Variants in MAGI2 observed in about 807,000 individuals in gnomAD.
MAGI2 encodes membrane-associated guanylate kinase, WW and PDZ domain-containing protein 2.
Under a neutral mutation model 133.3 loss-of-function variants are expected in MAGI2, and 35 were observed. The observed-to-expected ratio is 0.26, with a 90% CI of 0.20 to 0.35. MAGI2 has a LOEUF of 0.35. Ranked by LOEUF, MAGI2 falls within the 10% of genes least tolerant of loss-of-function variation. The pLI, the probability that MAGI2 is intolerant of heterozygous loss-of-function variation, is 1.00. For missense variants in MAGI2, 1,636 were observed against 1,863.4 expected (o/e 0.88, Z 2.25); for synonymous variants, 729 against 710.6 (o/e 1.03, Z -0.41).
chr7:78,694,465 A>G (rs146008382), intron 2 of MAGI2, among the ~76,000 whole-genome samples: 137 of 152,250 alleles, frequency 9.0e-4, no homozygotes, highest in African/African-American at 3.2e-3. Context: ...ACACAGTCTA[A>G]AACCATGCTC....
At chr7:79,053,446 A>C (rs1266266079) in intron 1 of MAGI2, among the ~76,000 whole-genome samples, 1 of 152,210 alleles carries the variant, frequency 6.6e-6, no homozygotes, top group African/African-American at 2.4e-5. Flanking sequence ...ATCTATGAAC[A>C]CTCTGATCTC....
chr7:78,205,878 C>G (rs999909192), intron 10 of MAGI2, among the ~76,000 whole-genome samples: 2 of 152,180 alleles, frequency 1.3e-5, no homozygotes, highest in African/African-American at 2.4e-5. Flanking sequence ...ATTTGCTATA[C>G]AGATCATTGC....
chr7:79,273,785 C>A (rs1164485986), intron 1 of MAGI2, among the ~76,000 whole-genome samples: 3 of 152,052 alleles, frequency 2.0e-5, no homozygotes, highest in Non-Finnish European at 4.4e-5. Flanking sequence ...CATGCCTTCA[C>A]TGTTCCCCTT....
At chr7:78,596,721 A>G (rs1404707169) in intron 3 of MAGI2, among the ~76,000 whole-genome samples, 1 of 152,214 alleles carries the variant, frequency 6.6e-6, no homozygotes, top group African/African-American at 2.4e-5. Context: ...CAGCCTAGTG[A>G]GAAAGAATAA....
intron 9 of MAGI2, among the ~76,000 whole-genome samples, chr7:78,324,141 T>TAC (rs1347905055): frequency 1.8e-4 from 23 of 130,128 alleles, no homozygotes; most frequent in African/African-American, 6.9e-4. Context: ...TACACTACAC[T>TAC]ACACTACACT....
intron 1 of MAGI2, among the ~76,000 whole-genome samples, chr7:79,016,018 T>TGG (rs1808694919): frequency 9.3e-6 from 1 of 107,452 alleles, no homozygotes. Context: ...GGGTGGGGGT[T>TGG]GAGCAGGCAA....
chr7:79,441,439 G>T (rs929194551), intron 1 of MAGI2, among the ~76,000 whole-genome samples: 9 of 152,144 alleles, frequency 5.9e-5, no homozygotes, highest in Non-Finnish European at 2.9e-5. Flanking sequence ...TTAAAAGGGA[G>T]ATTTGGGATA....
chr7:78,450,712 G>C (rs1418153360), intron 6 of MAGI2, among the ~76,000 whole-genome samples: 2 of 151,952 alleles, frequency 1.3e-5, no homozygotes, highest in Admixed American at 6.6e-5. Flanking sequence ...TACAGTCTCA[G>C]AATTGGAAGG....
chr7:78,689,273 C>T (rs947703016), intron 2 of MAGI2, among the ~76,000 whole-genome samples: 3 of 152,156 alleles, frequency 2.0e-5, no homozygotes, highest in African/African-American at 7.2e-5. Flanking sequence ...CACAGTACAA[C>T]ACCTAATAAT....
chr7:78,296,947 TGCTATAGCTC>T (rs1797311816), intron 9 of MAGI2, among the ~76,000 whole-genome samples: 1 of 152,060 alleles, frequency 6.6e-6, no homozygotes, highest in Admixed American at 6.5e-5. Context: ...AGAAGTCATG[TGCTATAGCTC>T]GCTATAGTTA....
At chr7:79,377,981 G>T (rs142707831) in intron 1 of MAGI2, among the ~76,000 whole-genome samples, 273 of 151,966 alleles carry the variant, frequency 1.8e-3, no homozygotes, top group African/African-American at 6.2e-3. Context: ...GCTGAACAGT[G>T]CGTGATTCAG....
intron 2 of MAGI2, among the ~76,000 whole-genome samples, chr7:78,710,204 A>T (rs1163466424): frequency 6.6e-6 from 1 of 151,470 alleles, no homozygotes; most frequent in South Asian, 2.1e-4. Flanking sequence ...ACATTCTACT[A>T]AACAGGAAGC....
At chr7:78,085,781 G>A (rs1227051014) in intron 20 of MAGI2, among the ~76,000 whole-genome samples, 1 of 151,838 alleles carries the variant, frequency 6.6e-6, no homozygotes, top group African/African-American at 2.4e-5. Flanking sequence ...GGCTGCTGCA[G>A]GATTCTGAGA....
intron 2 of MAGI2, among the ~76,000 whole-genome samples, chr7:78,846,854 G>T (rs1354211992): frequency 6.6e-6 from 1 of 151,890 alleles, no homozygotes; most frequent in Admixed American, 6.6e-5. Flanking sequence ...CTCTTTCCAG[G>T]TGCATATATT....
intron 4 of MAGI2, among the ~76,000 whole-genome samples, chr7:78,517,532 T>C (rs940245208): frequency 1.3e-5 from 2 of 152,180 alleles, no homozygotes; most frequent in South Asian, 2.1e-4. Context: ...ATAAAATAAG[T>C]ATAGAATTAT....
At chr7:78,492,502 T>C (rs1035126811) in intron 5 of MAGI2, among the ~76,000 whole-genome samples, 5 of 152,170 alleles carry the variant, frequency 3.3e-5, no homozygotes, top group African/African-American at 9.7e-5. Flanking sequence ...TTTTAATGCA[T>C]TGGGAGACAA....
chr7:78,431,297 G>C (rs1490755605), intron 6 of MAGI2, among the ~76,000 whole-genome samples: 1 of 152,002 alleles, frequency 6.6e-6, no homozygotes, highest in East Asian at 1.9e-4. Flanking sequence ...AAGGTGTGAA[G>C]GCAGATCACA....
At chr7:79,373,737 T>C (rs1242453631) in intron 1 of MAGI2, among the ~76,000 whole-genome samples, 2 of 152,008 alleles carry the variant, frequency 1.3e-5, no homozygotes, top group Non-Finnish European at 2.9e-5. Flanking sequence ...ATTTCAAGTA[T>C]TACTAAAGAT....
intron 1 of MAGI2, among the ~76,000 whole-genome samples, chr7:79,324,308 C>A (rs2129561938): frequency 6.7e-6 from 1 of 150,318 alleles, no homozygotes; most frequent in South Asian, 2.1e-4. Context: ...ATTAAATATT[C>A]AATAAAACTT....
Sources: gnomAD v4.1 joint callset for allele counts (sites outside exome capture counted in the v4.1 genomes callset) on GRCh38, gnomAD v4.1.1 for gene constraint, MANE v1.5 for transcripts, NCBI Gene and HGNC (gene_info 2026-07-23, HGNC 2026-07-21) for gene names.